The following ANAPC1 variants were observed in gnomAD, a reference collection of about 807,000 sequenced individuals.
The protein encoded by ANAPC1 is anaphase promoting complex subunit 1.
ANAPC1 carries 36 observed loss-of-function variants against 208.0 expected under a neutral mutation model. That is an observed-to-expected ratio of 0.17 (90% confidence interval 0.13 to 0.23). ANAPC1 has a LOEUF of 0.23. ANAPC1 is among the 10% of genes least tolerant of loss of function. The probability of loss-of-function intolerance (pLI) is 1.00; values close to 1 mark genes in which losing one functional copy is unlikely to be tolerated. For synonymous variants in ANAPC1, 378 were observed against 695.2 expected (o/e 0.54, Z 7.18); for missense variants, 942 against 2,011.6 (o/e 0.47, Z 10.17).
chr2:111,829,207 G>A (rs533767527), intron 21 of ANAPC1, among the ~76,000 whole-genome samples: 12 of 152,160 alleles, frequency 7.9e-5, no homozygotes, highest in South Asian at 2.1e-4. Context: ...GAGTGACTCC[G>A]TCTCAAGAAA....
chr2:111,870,900 T>G (rs1456966053), intron 6 of ANAPC1, among the ~76,000 whole-genome samples: 1 of 152,190 alleles, frequency 6.6e-6, no homozygotes, highest in Non-Finnish European at 1.5e-5. Flanking sequence ...AATTTCATTC[T>G]TCTAAAAAAG....
Position 111,803,986 on chromosome 2 carries a change from T to TATTA in ANAPC1, c.3925-148_3925-147insTAAT, listed in dbSNP as rs1678557632. Reference sequence around the variant, plus strand: ...TTTATTTCCAATTTAAAGCAAACATTAATCATGAGTTAATAAATATTAATA... The same window carrying TATTA: ...TTTATTTCCAATTTAAAGCAAACATTATTAAATCATGAGTTAATAAATATTAATA... On this transcript the variant is annotated intron_variant, in intron 30 of 47. Coordinates refer to ENST00000341068, the MANE Select transcript of ANAPC1 (RefSeq NM_022662.4). 1.1e-5 allele frequency: 6 copies of TATTA among 541,300 alleles called. No homozygotes were observed. The South Asian group carries it at 1.3e-4, about 12-fold the overall frequency. The allele number at this position is 541,300 out of a possible 1,614,324, so 33.5% of individuals were successfully genotyped here.
rs1320117347 is a variant in ANAPC1 at position 111,834,727 on chromosome 2, A to C, written c.2261T>G (p.Leu754Arg). The change falls in exon 19 of 48, where the codon CTT becomes CGT. Residue 754 changes from leucine (L) to arginine (R), a missense_variant. Leu to Arg is a moderately radical substitution (Grantham distance 102). Coordinates refer to ENST00000341068, the MANE Select transcript of ANAPC1 (RefSeq NM_022662.4). ...AATTGCAGGTATGTGAGTAAAGAGA[A>C]GTGTAGAAGAATCCAGACTGAGATT... ...SQNLSLDSST[L>R]LFTHIPAIFF... is the part of the protein sequence containing the mutation. 39 of 1,613,524 alleles carry C rather than the reference A, an allele frequency of 2.4e-5. No homozygotes were observed. The highest frequency in any genetic ancestry group is 3.3e-5 in the Non-Finnish European group (39 of 1,179,792).
chr2:111,850,489 G>C (rs1218015791), intron 14 of ANAPC1, among the ~76,000 whole-genome samples: 2 of 151,664 alleles, frequency 1.3e-5, no homozygotes, highest in Non-Finnish European at 2.9e-5. Flanking sequence ...ACTGAGTCAT[G>C]AGTCTTTCTT....
At chr2:111,845,918 T>C (rs1013431217) in intron 16 of ANAPC1, among the ~76,000 whole-genome samples, 7 of 138,360 alleles carry the variant, frequency 5.1e-5, no homozygotes, top group African/African-American at 1.9e-4. Context: ...GAGCTTGCAG[T>C]GAGCCGAGTT....
chr2:111,794,393 T>C, intron 35 of ANAPC1, 70 bp from the exon 36 acceptor site: 1 of 942,442 alleles, frequency 1.1e-6, no homozygotes. Context: ...TAAGTAACAA[T>C]AAATATTCCA....
intron 37 of ANAPC1, among the ~76,000 whole-genome samples, chr2:111,792,774 A>T (rs1431654932): frequency 3.3e-5 from 5 of 151,774 alleles, no homozygotes; most frequent in African/African-American, 1.2e-4. Context: ...AACATGGTGA[A>T]ACCCCGTCTC....
At chr2:111,813,487 C>G (rs976883718) in intron 28 of ANAPC1, among the ~76,000 whole-genome samples, 1 of 150,366 alleles carries the variant, frequency 6.7e-6, no homozygotes, top group Non-Finnish European at 1.5e-5. Flanking sequence ...ACTGGCTGAG[C>G]TACAACAGTC....
chr2:111,842,207 G>A (rs1186823341), intron 17 of ANAPC1, among the ~76,000 whole-genome samples: 3 of 151,984 alleles, frequency 2.0e-5, no homozygotes, highest in Non-Finnish European at 2.9e-5. Flanking sequence ...TTAATGATAC[G>A]GGAAATTTTC....
intron 18 of ANAPC1, among the ~76,000 whole-genome samples, chr2:111,838,022 T>C (rs1441709825): frequency 4.2e-5 from 6 of 142,016 alleles, no homozygotes; most frequent in South Asian, 2.3e-4. Context: ...GAGGCGGAGA[T>C]TGCAGTGAGC....
intron 7 of ANAPC1, among the ~76,000 whole-genome samples, chr2:111,867,431 C>T (rs1458138891): frequency 6.8e-6 from 1 of 147,944 alleles, no homozygotes; most frequent in African/African-American, 2.5e-5. Flanking sequence ...TGGCTCACCC[C>T]TGTAATCTCA....
At chr2:111,814,854 T>C (rs74389119) in intron 28 of ANAPC1, among the ~76,000 whole-genome samples, 32,383 of 148,134 alleles carry the variant, frequency 0.22, 3,570 homozygotes, top group Middle Eastern at 0.34. Flanking sequence ...GATAAATCCA[T>C]GGACTAGAGA....
chr2:111,878,608 T>TA (rs929179123), intron 3 of ANAPC1, among the ~76,000 whole-genome samples: 2 of 152,140 alleles, frequency 1.3e-5, no homozygotes, highest in African/African-American at 4.8e-5. Flanking sequence ...AAGAAGAGTG[T>TA]AAAAAAAGTG....
chr2:111,782,921 T>C (rs974353623), intron 42 of ANAPC1, among the ~76,000 whole-genome samples: 13 of 152,180 alleles, frequency 8.5e-5, no homozygotes, highest in African/African-American at 3.1e-4. Context: ...AAACAGCTAA[T>C]ATACAGTCTG....
At chr2:111,797,751 A>G (rs1678234642) in intron 34 of ANAPC1, among the ~76,000 whole-genome samples, 1 of 141,700 alleles carries the variant, frequency 7.1e-6, no homozygotes, top group Admixed American at 7.1e-5. Context: ...ATGCATTTGT[A>G]ACAAAAAACA....
intron 18 of ANAPC1, among the ~76,000 whole-genome samples, chr2:111,836,153 AATTTTC>A (rs1680455177): frequency 1.3e-5 from 2 of 151,816 alleles, no homozygotes; most frequent in Non-Finnish European, 2.9e-5. Flanking sequence ...ATGCCTGGCT[AATTTTC>A]AAATTTTTTT....
At chr2:111,786,859 TTGTCACC>T (rs1677581858) in intron 39 of ANAPC1, among the ~76,000 whole-genome samples, 1 of 133,108 alleles carries the variant, frequency 7.5e-6, no homozygotes, top group African/African-American at 2.8e-5. Flanking sequence ...ATAAAGATTC[TTGTCACC>T]GGCCAGGCGC....
At chr2:111,854,722 C>T (rs982963234) in intron 13 of ANAPC1, among the ~76,000 whole-genome samples, 4 of 152,228 alleles carry the variant, frequency 2.6e-5, no homozygotes, top group Non-Finnish European at 5.9e-5. Context: ...TCTGCAGCTT[C>T]TTCACCTTTC....
intron 39 of ANAPC1, among the ~76,000 whole-genome samples, chr2:111,787,097 C>T (rs1416316323): frequency 7.0e-6 from 1 of 142,992 alleles, no homozygotes; most frequent in Non-Finnish European, 1.5e-5. Context: ...TGCAGTGACC[C>T]GAGATCACGC....
Sources: allele counts gnomAD v4.1 joint callset (sites outside exome capture counted in the v4.1 genomes callset), GRCh38; gene constraint gnomAD v4.1.1; transcripts MANE v1.5; gene names NCBI Gene and HGNC (gene_info 2026-07-23, HGNC 2026-07-21).